The following SLC15A5 variants were observed in gnomAD, a reference collection of about 807,000 sequenced individuals.
SLC15A5 encodes solute carrier family 15 member 5, also known as Peptide/histidine transporter ENSP00000340402.
Under a neutral mutation model 56.1 loss-of-function variants are expected in SLC15A5, and 58 were observed. That is an observed-to-expected ratio of 1.03 (90% CI 0.84 to 1.29). SLC15A5 has a LOEUF of 1.29. Ranked by LOEUF, SLC15A5 falls within the 50% of genes most tolerant of loss-of-function variation. The pLI, the probability that SLC15A5 is intolerant of heterozygous loss-of-function variation, is 0.00. For missense variants in SLC15A5, 681 were observed against 672.1 expected (o/e 1.01, Z -0.15); for synonymous variants, 264 against 250.5 (o/e 1.05, Z -0.51).
In SLC15A5 at chr12:16,269,284, A is replaced by G. The variant is rs1230943901; in HGVS notation, c.584+3277T>C. Among the ~76,000 whole-genome samples, 2 of 152,216 alleles carry G rather than the reference A, an allele frequency of 1.3e-5. No individual in the cohort carries two copies. Among genetic ancestry groups the G allele is most frequent in the East Asian group, 1.9e-4 (1 of 5,188 alleles). On this transcript the variant is annotated intron_variant, in intron 2 of 8. Coordinates refer to ENST00000344941, the MANE Select transcript of SLC15A5 (RefSeq NM_001170798.1). The surrounding 1 kb of genome is among the most constrained non-coding windows in gnomAD (Gnocchi z 4.7). ...TGGGACCTGGGAAACATTTTCAACA[A>G]GGTTCTCAAGTGATAATTAAAATGA...
chr12:16,272,395 T>C (rs572230052), intron 2 of SLC15A5, among the ~76,000 whole-genome samples, 166 bp downstream of exon 2: 1 of 152,250 alleles, frequency 6.6e-6, no homozygotes, highest in South Asian at 2.1e-4. Context: ...TGCATGAGAC[T>C]TAGAAGCTCC....
At chr12:16,200,629 A>G (rs1054719583) in intron 7 of SLC15A5, among the ~76,000 whole-genome samples, 2 of 152,120 alleles carry the variant, frequency 1.3e-5, no homozygotes, top group South Asian at 4.1e-4. Flanking sequence ...GAAATTGAAG[A>G]TATGCCTCTT....
chr12:16,261,723 C>T (rs924453828), intron 2 of SLC15A5, among the ~76,000 whole-genome samples: 3 of 152,102 alleles, frequency 2.0e-5, no homozygotes, highest in Admixed American at 6.5e-5. Context: ...CTCTTCATAT[C>T]CCTGCCAAAA....
At chr12:16,225,779 A>G (rs958551253) in intron 5 of SLC15A5, among the ~76,000 whole-genome samples, 2 of 152,196 alleles carry the variant, frequency 1.3e-5, no homozygotes, top group African/African-American at 4.8e-5. Context: ...TAGAATGGTG[A>G]TCATTAAAAA....
chr12:16,251,030 C>A (rs1283396638), intron 3 of SLC15A5, among the ~76,000 whole-genome samples: 1 of 151,764 alleles, frequency 6.6e-6, no homozygotes, highest in African/African-American at 2.4e-5. Context: ...TTAATACTCC[C>A]AAAATATAAT....
intron 7 of SLC15A5, among the ~76,000 whole-genome samples, chr12:16,199,304 CAAAA>C: frequency 1.1e-5 from 1 of 91,320 alleles, no homozygotes; most frequent in Non-Finnish European, 2.1e-5. Flanking sequence ...TAGACTGTCT[CAAAA>C]AAAAAAAAAA....
chr12:16,222,887 A>C (rs1410721739), intron 6 of SLC15A5, among the ~76,000 whole-genome samples: 5 of 152,232 alleles, frequency 3.3e-5, no homozygotes, highest in Admixed American at 3.3e-4. Context: ...ACATCAGAGA[A>C]GATCACAAAT....
chr12:16,247,767 G>T (rs1864477139), intron 3 of SLC15A5, among the ~76,000 whole-genome samples: 1 of 152,072 alleles, frequency 6.6e-6, no homozygotes, highest in Non-Finnish European at 1.5e-5. Context: ...TGTCAGGGGG[G>T]TCAGATCATA....
intron 8 of SLC15A5, among the ~76,000 whole-genome samples, chr12:16,191,066 C>T (rs1311064105): frequency 6.6e-6 from 1 of 152,086 alleles, no homozygotes; most frequent in Non-Finnish European, 1.5e-5. Flanking sequence ...TACCTACTTC[C>T]TTCACCCCTA....
At chr12:16,222,144 A>G (rs1315157245) in intron 6 of SLC15A5, among the ~76,000 whole-genome samples, 1 of 152,246 alleles carries the variant, frequency 6.6e-6, no homozygotes, top group African/African-American at 2.4e-5. Context: ...CTGTCTATAT[A>G]CGGGGCACTG....
At chr12:16,220,895 T>C (rs546852988) in intron 6 of SLC15A5, among the ~76,000 whole-genome samples, 22 of 152,316 alleles carry the variant, frequency 1.4e-4, no homozygotes, top group African/African-American at 3.8e-4. Context: ...ACAGTATTTT[T>C]TGAATAAACA....
In SLC15A5 at chr12:16,188,724, T is replaced by G. The variant is rs1863811895; in HGVS notation, c.*944A>C. Reference sequence around the variant, plus strand: ...CAAAAAAAGATTTGAGTTAAGGCAGTCTGTATAGGGGCCAGAAAGATTCAC... The same window carrying G: ...CAAAAAAAGATTTGAGTTAAGGCAGGCTGTATAGGGGCCAGAAAGATTCAC... On this transcript the variant is annotated 3_prime_UTR_variant, in exon 9 of 9. Transcript: ENST00000344941. The G allele has an allele frequency of 6.6e-6, 1 of 152,210 alleles. No homozygotes were observed. The allele number at this position is 152,210 out of a possible 1,614,324, so 9.4% of individuals were successfully genotyped here.
At chr12:16,240,540 G>A (rs1478488867) in intron 4 of SLC15A5, among the ~76,000 whole-genome samples, 4 of 152,040 alleles carry the variant, frequency 2.6e-5, no homozygotes, top group Non-Finnish European at 5.9e-5. Context: ...AAAAAGGTTT[G>A]CATGATAAAG....
chr12:16,196,687 A>C lies in SLC15A5; in HGVS notation c.1484-2234T>G, dbSNP rs1271707786. On this transcript the variant is annotated intron_variant, in intron 7 of 8. Coordinates refer to ENST00000344941, the MANE Select transcript of SLC15A5 (RefSeq NM_001170798.1). This position sits in a 1 kb window ranked among gnomAD's most constrained non-coding sequence, Gnocchi z 4.0. ...ACTAGTGTAAGAGGAGTTTGCACAG[A>C]GTATGTGAAGCTTCAGAATTAACAT... is the stretch of plus-strand genomic sequence containing the variant. 1.3e-5 allele frequency among the ~76,000 whole-genome samples: 2 copies of C among 152,116 alleles called. No homozygotes were observed. Among genetic ancestry groups the C allele is most frequent in the Admixed American group, 1.3e-4 (2 of 15,248 alleles).
At chr12:16,273,454 C>T (rs1372422867) in intron 1 of SLC15A5, among the ~76,000 whole-genome samples, 1 of 152,160 alleles carries the variant, frequency 6.6e-6, no homozygotes, top group African/African-American at 2.4e-5. Flanking sequence ...ATCCTTCTCT[C>T]TTCCACCTTG....
In SLC15A5 at chr12:16,267,990, C is replaced by G. The variant is rs1202591992; in HGVS notation, c.584+4571G>C. On this transcript the variant is annotated intron_variant, in intron 2 of 8. Coordinates refer to ENST00000344941, the MANE Select transcript of SLC15A5 (RefSeq NM_001170798.1). ...GCCTTGAGTGATCCTCCTGCCTAGG[C>G]CTCCCAGAGCCCAGGGATTCAGGTG... Among the ~76,000 whole-genome samples, 5 of 113,866 alleles carry G rather than the reference C, an allele frequency of 4.4e-5. 1 individual carries two copies. The East Asian group carries it at 1.4e-3, about 31-fold the overall frequency. The allele number at this position is 113,866 out of a possible 152,430, so 74.7% of individuals were successfully genotyped here.
intron 5 of SLC15A5, among the ~76,000 whole-genome samples, chr12:16,230,250 A>G (rs1282983903): frequency 4.6e-5 from 7 of 152,240 alleles, no homozygotes; most frequent in Non-Finnish European, 1.0e-4. Flanking sequence ...CTTGCAACTT[A>G]GAGAGGCTAG....
rs142901901 is a variant in SLC15A5, at chr12:16,200,588, C to G, written c.1484-6135G>C. On this transcript the variant is annotated intron_variant, in intron 7 of 8. Transcript: ENST00000344941. ...ATATTTCACCCTCTTACAGAAGTTTCAATAACATTAGAAATAAACCAAACC... is the reference window on the plus strand; with the variant it reads ...ATATTTCACCCTCTTACAGAAGTTTGAATAACATTAGAAATAAACCAAACC... Among the ~76,000 whole-genome samples, 23 of 152,078 alleles carry G rather than the reference C, an allele frequency of 1.5e-4. No individual in the cohort carries two copies. The East Asian group carries it at 4.3e-3, about 28-fold the overall frequency.
At chr12:16,193,822 A>AGAGAGAGG (rs1863865037) in intron 8 of SLC15A5, among the ~76,000 whole-genome samples, 1 of 89,092 alleles carries the variant, frequency 1.1e-5, no homozygotes, top group Non-Finnish European at 2.5e-5. Flanking sequence ...AGAGAGAGAG[A>AGAGAGAGG]GAGAGAGAGA....
Sources: gnomAD v4.1 joint callset for allele counts (sites outside exome capture counted in the v4.1 genomes callset) on GRCh38, gnomAD v4.1.1 for gene constraint, Gnocchi (gnomAD v3.1) non-coding constraint, MANE v1.5 for transcripts, NCBI Gene and HGNC (gene_info 2026-07-23, HGNC 2026-07-21) for gene names.